ITGA2: variants seen among roughly 807,000 people sequenced by gnomAD.
The protein encoded by ITGA2 is integrin alpha-2.
Under a neutral mutation model 146.3 loss-of-function variants are expected in ITGA2, and 101 were observed. That is an observed-to-expected ratio of 0.69 (90% CI 0.59 to 0.81). The LOEUF is 0.81. ITGA2 is among the 40% of genes least tolerant of loss of function. The probability of loss-of-function intolerance (pLI) is 0.00; values close to 1 mark genes in which losing one functional copy is unlikely to be tolerated. For synonymous variants in ITGA2, 477 were observed against 487.1 expected (o/e 0.98, Z 0.27); for missense variants, 1,281 against 1,402.7 (o/e 0.91, Z 1.39).
intron 4 of ITGA2, among the ~76,000 whole-genome samples, chr5:53,047,966 G>T (rs552724942): frequency 3.9e-5 from 6 of 152,188 alleles, no homozygotes; most frequent in Non-Finnish European, 8.8e-5. Flanking sequence ...AGAATGTGTG[G>T]TTATCCTCAT....
intron 2 of ITGA2, among the ~76,000 whole-genome samples, chr5:53,040,137 G>A (rs1190295328): frequency 6.6e-6 from 1 of 152,128 alleles, no homozygotes; most frequent in Non-Finnish European, 1.5e-5. Flanking sequence ...GAAACAGCAT[G>A]TATGAAGGTT....
chr5:53,024,437 A>G (rs1009748762), intron 1 of ITGA2, among the ~76,000 whole-genome samples: 1 of 152,226 alleles, frequency 6.6e-6, no homozygotes, highest in African/African-American at 2.4e-5. Flanking sequence ...TAGTAATTAA[A>G]ATGCATTTTA....
At chr5:53,040,210 T>C (rs1653746180) in intron 2 of ITGA2, among the ~76,000 whole-genome samples, 1 of 152,176 alleles carries the variant, frequency 6.6e-6, no homozygotes, top group African/African-American at 2.4e-5. Flanking sequence ...AAATGTGATT[T>C]CAGGAAGACA....
At chr5:53,027,803 C>A (rs1308622191) in intron 2 of ITGA2, among the ~76,000 whole-genome samples, 1 of 152,198 alleles carries the variant, frequency 6.6e-6, no homozygotes, top group Admixed American at 6.5e-5. Context: ...AATGTATGGC[C>A]AAGTGCAGTG....
intron 13 of ITGA2, among the ~76,000 whole-genome samples, chr5:53,063,941 G>A (rs1745022853): frequency 6.6e-6 from 1 of 151,734 alleles, no homozygotes; most frequent in Admixed American, 6.6e-5. Context: ...GTAAAAATTT[G>A]TATAAGATTA....
intron 1 of ITGA2, among the ~76,000 whole-genome samples, chr5:53,025,601 C>T (rs1742900539): frequency 1.3e-5 from 2 of 152,162 alleles, no homozygotes; most frequent in South Asian, 2.1e-4. Flanking sequence ...AATGCAGAGG[C>T]GCAATGGAAG....
chr5:53,056,382 TTTCAGTAAG>T (rs1195773299), intron 9 of ITGA2, among the ~76,000 whole-genome samples: 1 of 152,004 alleles, frequency 6.6e-6, no homozygotes, highest in Admixed American at 6.6e-5. Flanking sequence ...TTCTAAATAC[TTTCAGTAAG>T]TATTTAAAAA....
rs1024820656 is a variant in ITGA2 at position 53,072,617 on chromosome 5, C to A, written c.2351C>A (p.Pro784His). The A allele has an allele frequency of 1.2e-6, 2 of 1,609,542 alleles. No homozygotes were observed. Among genetic ancestry groups the A allele is most frequent in the Non-Finnish European group, 1.7e-6 (2 of 1,177,858 alleles). ...ATCTTTTTTCCTTTTTCGTAGATTC[C>A]TTTCCACAAAGACTGTGGTGAGGAC... Reference protein sequence around the residue: ...YSETAKVFSIPFHKDCGEDGL... With the variant: ...YSETAKVFSIHFHKDCGEDGL... Residue 784 changes from proline (P) to histidine (H), a missense_variant, in exon 19 of 30, where the codon CCT becomes CAT. Transcript: ENST00000296585.
Position 53,078,782 on chromosome 5 carries a change from A to T in ITGA2, c.2836A>T (p.Ile946Leu). 1 of 1,602,484 alleles carries T rather than the reference A, an allele frequency of 6.2e-7. No homozygotes were observed. Among genetic ancestry groups the T allele is most frequent in the Non-Finnish European group, 8.5e-7 (1 of 1,170,068 alleles). Residue 946 changes from isoleucine (I) to leucine (L), a missense_variant, in exon 24 of 30, where the codon ATA becomes TTA. Coordinates refer to ENST00000296585, the MANE Select transcript of ITGA2 (RefSeq NM_002203.4). ...AEIHLTRSTN[I>L]NFYEISSDGN... is the part of the protein sequence containing the mutation. ...AACATCATCCAACAGATCTACCAAC[A>T]TAAATTTTTATGAAATCTCTTCGGA...
chr5:53,006,130 T>C (rs1305665339), intron 1 of ITGA2, among the ~76,000 whole-genome samples: 1 of 152,124 alleles, frequency 6.6e-6, no homozygotes, highest in Non-Finnish European at 1.5e-5. Flanking sequence ...ACCTAGGTGA[T>C]GGATTGATAG....
chr5:53,084,494 A>G (rs973346211), intron 27 of ITGA2, among the ~76,000 whole-genome samples: 23 of 152,186 alleles, frequency 1.5e-4, no homozygotes, highest in African/African-American at 5.6e-4. Flanking sequence ...ACAAAGACAT[A>G]GAAGAAAACG....
chr5:53,058,789 C>T (rs1445197787), intron 10 of ITGA2, among the ~76,000 whole-genome samples: 1 of 151,848 alleles, frequency 6.6e-6, no homozygotes, highest in Non-Finnish European at 1.5e-5. Flanking sequence ...TATCTAGAAT[C>T]AAAGGAACTG....
In ITGA2 at chr5:53,090,699, T is replaced by G; in HGVS notation, c.*100T>G. The G allele has an allele frequency of 1.1e-6, 1 of 934,560 alleles. No homozygotes were observed. Among genetic ancestry groups the G allele is most frequent in the East Asian group, 2.8e-5 (1 of 36,136 alleles). 57.9% of individuals were successfully genotyped at this position (934,560 alleles called of 1,614,324 possible). A position where few individuals can be genotyped will look rare whatever the true frequency, so the allele number is the denominator to read the frequency against. On this transcript the variant is annotated 3_prime_UTR_variant, in exon 30 of 30. Coordinates refer to ENST00000296585, the MANE Select transcript of ITGA2 (RefSeq NM_002203.4). ...TTTAAATCCCATATTTTTTTTATCA[T>G]GTCGTAGGTAAACTAACCTGGTATT... is the stretch of plus-strand genomic sequence containing the variant.
intron 6 of ITGA2, 30 bp downstream of exon 6, chr5:53,048,800 T>TA: frequency 6.2e-7 from 1 of 1,610,700 alleles, no homozygotes; most frequent in Non-Finnish European, 8.5e-7. Context: ...ATAACTAACT[T>TA]ATGGCTTTCT....
At chr5:53,071,479 G>T (rs183712240) in intron 17 of ITGA2, among the ~76,000 whole-genome samples, 10 of 152,008 alleles carry the variant, frequency 6.6e-5, no homozygotes, top group African/African-American at 2.2e-4. Context: ...GTCCAGAGCT[G>T]TCATGGTAGA....
intron 2 of ITGA2, among the ~76,000 whole-genome samples, chr5:53,033,378 C>G (rs898820105): frequency 6.6e-6 from 1 of 152,082 alleles, no homozygotes; most frequent in African/African-American, 2.4e-5. Flanking sequence ...TCCATTTCTT[C>G]TTCTTGGCCA....
chr5:53,011,530 C>A (rs747354009), intron 1 of ITGA2, among the ~76,000 whole-genome samples: 45 of 152,132 alleles, frequency 3.0e-4, no homozygotes, highest in Non-Finnish European at 5.9e-4. Flanking sequence ...CAGCTTCCTC[C>A]TTAGTGGCCC....
chr5:53,029,573 T>C (rs1456119847), intron 2 of ITGA2, among the ~76,000 whole-genome samples: 8 of 152,220 alleles, frequency 5.3e-5, no homozygotes. Context: ...AGAGCAACCC[T>C]ATCTATATAG....
Position 53,090,782 on chromosome 5 carries a change from GC to G in ITGA2, c.*184del. 2 of 420,174 alleles carry G rather than the reference GC, an allele frequency of 4.8e-6. No homozygotes were observed. Among genetic ancestry groups the G allele is most frequent in the South Asian group, 2.6e-5 (1 of 38,250 alleles). 26.0% of individuals were successfully genotyped at this position (420,174 alleles called of 1,614,324 possible). On this transcript the variant is annotated 3_prime_UTR_variant, in exon 30 of 30. Transcript: ENST00000296585. ...AGAAATTGTGGGGGGTGGGGGAGGT[GC>G]GGGGGGCAGGTAGGGAAATAATAGG...
Sources: allele counts gnomAD v4.1 joint callset (sites outside exome capture counted in the v4.1 genomes callset), GRCh38; gene constraint gnomAD v4.1.1; transcripts MANE v1.5; gene names NCBI Gene and HGNC (gene_info 2026-07-23, HGNC 2026-07-21).